The following CFAP44 variants were observed in gnomAD, a reference collection of about 807,000 sequenced individuals.
The protein encoded by CFAP44 is cilia- and flagella-associated protein 44.
Under a neutral mutation model 216.2 loss-of-function variants are expected in CFAP44, and 134 were observed. The ratio of observed to expected loss-of-function variants is 0.62; its 90% CI spans 0.54 to 0.72. CFAP44 has a LOEUF of 0.72. Ranked by LOEUF, CFAP44 falls within the 30% of genes least tolerant of loss-of-function variation. The pLI is 0.00. For missense variants in CFAP44, 2,035 were observed against 2,182.1 expected, an observed-to-expected ratio of 0.93 and a Z score of 1.34; for synonymous variants, 700 against 727.6, an observed-to-expected ratio of 0.96 and a Z score of 0.61.
chr3:113,305,005 C>G (rs954800702), intron 31 of CFAP44, 31 bp downstream of exon 31: 2 of 1,526,676 alleles, frequency 1.3e-6, no homozygotes, highest in Admixed American at 3.9e-5. Flanking sequence ...TCTTCTCGGA[C>G]AGGATGGAGC....
chr3:113,415,708 T>A (rs1187071118), intron 6 of CFAP44, among the ~76,000 whole-genome samples: 4 of 152,210 alleles, frequency 2.6e-5, no homozygotes, highest in African/African-American at 9.6e-5. Flanking sequence ...TCTAATTTGA[T>A]TGCACTGTGG....
intron 25 of CFAP44, among the ~76,000 whole-genome samples, chr3:113,332,456 C>A (rs550521903): frequency 6.6e-6 from 1 of 152,094 alleles, no homozygotes; most frequent in Admixed American, 6.5e-5. Context: ...CAGAAAATTA[C>A]AAAATATTCA....
chr3:113,383,290 G>C (rs1172268128), intron 15 of CFAP44, among the ~76,000 whole-genome samples: 1 of 152,176 alleles, frequency 6.6e-6, no homozygotes, highest in Non-Finnish European at 1.5e-5. Flanking sequence ...CCAAGATCAA[G>C]GGACTGGCAG....
chr3:113,301,804 AT>A (rs1369670474), intron 32 of CFAP44, among the ~76,000 whole-genome samples: 2 of 152,126 alleles, frequency 1.3e-5, no homozygotes, highest in African/African-American at 4.8e-5. Context: ...ACTCTTAGCA[AT>A]TTTCAAGAAT....
chr3:113,409,006 C>A (rs1415829497), intron 7 of CFAP44, 100 bp downstream of exon 7: 256 of 319,448 alleles, frequency 8.0e-4, no homozygotes, highest in African/African-American at 2.1e-3. Flanking sequence ...ACCAAAACAG[C>A]AAAAAAAAAA....
At chr3:113,376,989 A>C (rs1933365118) in intron 17 of CFAP44, among the ~76,000 whole-genome samples, 1 of 152,220 alleles carries the variant, frequency 6.6e-6, no homozygotes, top group Admixed American at 6.5e-5. Flanking sequence ...GAGTTGCAGG[A>C]GACTGTTCTC....
chr3:113,362,446 G>T (rs1404215349), intron 21 of CFAP44, among the ~76,000 whole-genome samples: 1 of 152,116 alleles, frequency 6.6e-6, no homozygotes, highest in African/African-American at 2.4e-5. Context: ...TCTTGAAGCC[G>T]TATTTTTTGC....
chr3:113,325,720 A>G (rs1435175942), intron 28 of CFAP44, among the ~76,000 whole-genome samples: 4 of 152,208 alleles, frequency 2.6e-5, no homozygotes, highest in Non-Finnish European at 4.4e-5. Flanking sequence ...GATTATTCTA[A>G]AATACGGAAA....
chr3:113,366,456 C>A, intron 18 of CFAP44, 147 bp from the exon 19 acceptor site: 1 of 890,758 alleles, frequency 1.1e-6, no homozygotes, highest in Non-Finnish European at 1.7e-6. Flanking sequence ...AAGCCCTAAC[C>A]CCTAATACTT....
intron 34 of CFAP44, 114 bp downstream of exon 34, chr3:113,294,573 G>C (rs1949862875): frequency 1.5e-6 from 2 of 1,336,424 alleles, no homozygotes; most frequent in South Asian, 3.3e-5. Flanking sequence ...GTCTGGAAGT[G>C]GTCCAAGATC....
chr3:113,374,514 G>A (rs972708606), intron 17 of CFAP44, among the ~76,000 whole-genome samples: 3 of 152,046 alleles, frequency 2.0e-5, no homozygotes, highest in Non-Finnish European at 2.9e-5. Flanking sequence ...ATAGACTTAT[G>A]GAGAAAGAAA....
intron 18 of CFAP44, among the ~76,000 whole-genome samples, chr3:113,370,481 A>G (rs1343360035): frequency 6.6e-6 from 1 of 152,228 alleles, no homozygotes; most frequent in Non-Finnish European, 1.5e-5. Flanking sequence ...GACAAAAATC[A>G]CATGATTATC....
rs563783835 is a variant in CFAP44, at chr3:113,299,699, G to T, written c.5078-2814C>A. Among the ~76,000 whole-genome samples the T allele has an allele frequency of 5.9e-5, 9 of 152,250 alleles. No individual in the cohort carries two copies. In the South Asian group the frequency reaches 1.7e-3, roughly 28 times the overall value. ...ACAGACAATGGATAAAGAAAATGTG[G>T]TACATGTAGACAATGGAGTACTATT... is the stretch of plus-strand genomic sequence containing the variant. On this transcript the variant is annotated intron_variant, in intron 32 of 34. Coordinates refer to ENST00000393845, the MANE Select transcript of CFAP44 (RefSeq NM_001164496.2).
At chr3:113,348,050 T>C (rs555982804) in intron 22 of CFAP44, among the ~76,000 whole-genome samples, 1 of 152,192 alleles carries the variant, frequency 6.6e-6, no homozygotes, top group South Asian at 2.1e-4. Context: ...ACTAGTGTTT[T>C]TGCTGCTGCA....
chr3:113,379,374 T>G lies in CFAP44; in HGVS notation c.2230A>C (p.Ile744Leu), dbSNP rs766757460. 1.2e-6 allele frequency: 2 copies of G among 1,613,334 alleles called. No individual in the cohort carries two copies. Among genetic ancestry groups the G allele is most frequent in the Admixed American group, 3.3e-5 (2 of 59,996 alleles). ...EEEEPLPEIFIPSTPSPILCG... is the reference protein window; with the variant it reads ...EEEEPLPEIFLPSTPSPILCG... ...AGGATGGGAGAGGGGGTTGACGGAA[T>G]AAATATTTCAGGTAATGGCTCTTCT... The change falls in exon 17 of 35, where the codon ATT (isoleucine) becomes CTT (leucine). Residue 744 changes from isoleucine to leucine, a missense_variant. Transcript: ENST00000393845.
Position 113,304,017 on chromosome 3 carries a change from AGC to A in CFAP44, c.4974_4975del (p.Glu1658AspfsTer12), listed in dbSNP as rs756517914. The A allele has an allele frequency of 6.5e-7, 1 of 1,537,378 alleles. No homozygotes were observed. The highest frequency in any genetic ancestry group is 1.2e-5 in the South Asian group (1 of 84,038). On this transcript the variant is annotated frameshift_variant, in exon 32 of 35. Coordinates refer to ENST00000393845, the MANE Select transcript of CFAP44 (RefSeq NM_001164496.2). LOFTEE classifies it high-confidence loss of function. ...TTGCTGCTTGGAATTTTCCTCCTGG[AGC>A]TCATGGATTCGTTCTTGCAGCCGTC...
intron 2 of CFAP44, among the ~76,000 whole-genome samples, chr3:113,429,511 T>A (rs1307787545): frequency 6.6e-6 from 1 of 152,134 alleles, no homozygotes; most frequent in African/African-American, 2.4e-5. Context: ...TGTATCATTA[T>A]GCTTAACACG....
chr3:113,380,921 G>A lies in CFAP44; in HGVS notation c.2030C>T (p.Ser677Leu). Reference sequence around the variant, plus strand: ...TACCAGAATCTTAGATTTGACACTTGAAAAATGGAAACATTTTATGCACAT... The same window carrying A: ...TACCAGAATCTTAGATTTGACACTTAAAAAATGGAAACATTTTATGCACAT... ...KDMCIKCFHF[S>L]SVKSKILRLI... Residue 677 changes from serine (S) to leucine (L), a missense_variant, in exon 16 of 35, where the codon TCA (serine) becomes TTA (leucine). By Grantham distance (145) the Ser-to-Leu change is moderately radical. Around this residue, in one of 3 missense-constraint regions of CFAP44, gnomAD observed 1,883 missense variants for 2,023.7 expected, o/e 0.93. Coordinates refer to ENST00000393845, the MANE Select transcript of CFAP44 (RefSeq NM_001164496.2). 1 of 1,582,026 alleles carries A rather than the reference G, an allele frequency of 6.3e-7. No homozygotes were observed.
intron 7 of CFAP44, among the ~76,000 whole-genome samples, chr3:113,408,152 T>C (rs1260039264): frequency 6.6e-6 from 1 of 152,128 alleles, no homozygotes; most frequent in Non-Finnish European, 1.5e-5. Context: ...TCAGGATGGA[T>C]AAAAATGTCT....
Sources: gnomAD v4.1 joint callset for allele counts (sites outside exome capture counted in the v4.1 genomes callset) on GRCh38, gnomAD v4.1.1 for gene constraint, gnomAD v4.1.1 regional missense constraint, MANE v1.5 for transcripts, NCBI Gene and HGNC (gene_info 2026-07-23, HGNC 2026-07-21) for gene names.